Variants in XXYLT1 observed in about 807,000 individuals in gnomAD.
XXYLT1 encodes the protein xyloside xylosyltransferase 1.
In XXYLT1, 20 loss-of-function variants were observed where a neutral mutation model predicts 28.9. The ratio of observed to expected loss-of-function variants is 0.69; its 90% CI spans 0.49 to 1.00. The LOEUF (loss-of-function observed/expected upper bound fraction) is 1.00, where lower values mean the gene tolerates loss of function less well. Among genes scored for constraint, XXYLT1 ranks in the 50% least tolerant of loss-of-function variants. The pLI is 0.00. For synonymous variants in XXYLT1, 257 were observed against 253.8 expected (o/e 1.01, Z -0.12); for missense variants, 542 against 560.1 (o/e 0.97, Z 0.33).
intron 3 of XXYLT1, among the ~76,000 whole-genome samples, chr3:195,083,506 C>T (rs1715552819): frequency 6.6e-6 from 1 of 152,194 alleles, no homozygotes; most frequent in South Asian, 2.1e-4. Context: ...TCATCTCCTC[C>T]TCAGAAGTCA....
intron 3 of XXYLT1, among the ~76,000 whole-genome samples, chr3:195,080,441 G>A (rs552927515): frequency 2.0e-5 from 3 of 152,196 alleles, no homozygotes; most frequent in South Asian, 2.1e-4. Context: ...CCACAGAGCC[G>A]GCAGCCAAAG....
At chr3:195,226,038 C>T (rs75149770) in intron 2 of XXYLT1, among the ~76,000 whole-genome samples, 3,929 of 152,174 alleles carry the variant, frequency 0.026, 187 homozygotes, top group African/African-American at 0.089. Context: ...GGTCAATATC[C>T]AGGGCTCCAG....
rs976956407 is a variant in XXYLT1 at position 195,129,990 on chromosome 3, CTTTT to C, written c.785+26455_785+26458del. 6.6e-6 allele frequency among the ~76,000 whole-genome samples: 1 copy of C among 152,198 alleles called. No homozygotes were observed. The highest frequency in any genetic ancestry group is 2.4e-5 in the African/African-American group (1 of 41,444). On this transcript the variant is annotated intron_variant, in intron 3 of 3. Transcript: ENST00000310380. The surrounding 1 kb of genome is among the most constrained non-coding windows in gnomAD (Gnocchi z 4.4). ...CAGCACCTGTTATTGTCCTGCCTTT[CTTTT>C]TTTATTATAGCTGACCAGTGGATAT...
chr3:195,111,571 C>T (rs1473064748), intron 3 of XXYLT1, among the ~76,000 whole-genome samples: 4 of 152,024 alleles, frequency 2.6e-5, no homozygotes, highest in Admixed American at 2.0e-4. Flanking sequence ...TCTCTCATGA[C>T]GGGAGCATCT....
chr3:195,192,167 T>A (rs1374642873), intron 2 of XXYLT1, among the ~76,000 whole-genome samples: 2 of 152,198 alleles, frequency 1.3e-5, no homozygotes, highest in Non-Finnish European at 2.9e-5. Context: ...CTCATGCCTG[T>A]AATCTAGCAC....
At chr3:195,229,770 T>C (rs887113298) in intron 1 of XXYLT1, among the ~76,000 whole-genome samples, 2 of 152,270 alleles carry the variant, frequency 1.3e-5, no homozygotes, top group Non-Finnish European at 2.9e-5. Flanking sequence ...TGTACTGTTT[T>C]CTTTTTCCAT....
At position 195,076,774 on chromosome 3, in the gene XXYLT1, C is replaced by G. The variant is rs547997363; in HGVS notation, c.786-6663G>C. On this transcript the variant is annotated intron_variant, in intron 3 of 3. Coordinates refer to ENST00000310380, the MANE Select transcript of XXYLT1 (RefSeq NM_152531.5). This position sits in a 1 kb window ranked among gnomAD's most constrained non-coding sequence, Gnocchi z 5.3. The stretch of plus-strand genomic sequence containing the variant: ...GAGGCATCACCCTGCTCTCTGCCTT[C>G]ATATTCACATGGCGTTCTCCCTGCG... Among the ~76,000 whole-genome samples the G allele has an allele frequency of 6.6e-6, 1 of 152,284 alleles. No individual in the cohort carries two copies. The highest frequency in any genetic ancestry group is 1.5e-5 in the Non-Finnish European group (1 of 68,024).
intron 3 of XXYLT1, chr3:195,152,481 A>C (rs767721093): frequency 1.3e-5 from 2 of 152,546 alleles, no homozygotes. Flanking sequence ...CTCTCCCTAC[A>C]CTAATATCCC....
chr3:195,168,974 A>C lies in XXYLT1; in HGVS notation c.653-12393T>G, dbSNP rs559360302. Among the ~76,000 whole-genome samples the C allele has an allele frequency of 8.5e-5, 13 of 152,364 alleles. No individual in the cohort carries two copies. The South Asian group carries it at 2.7e-3, about 32-fold the overall frequency. On this transcript the variant is annotated intron_variant, in intron 2 of 3. Transcript: ENST00000310380. This position sits in a 1 kb window ranked among gnomAD's most constrained non-coding sequence, Gnocchi z 4.3. ...CCTGTGCAGTTACCTACTTCTGGGA[A>C]ACAAATCACTCCAAAACCTAGTGGC...
intron 3 of XXYLT1, among the ~76,000 whole-genome samples, chr3:195,154,644 G>A (rs900466352): frequency 6.6e-6 from 1 of 152,122 alleles, no homozygotes; most frequent in Non-Finnish European, 1.5e-5. Context: ...ACCGGGGGAG[G>A]AGTAACGCAA....
chr3:195,071,401 C>T (rs903911091), intron 3 of XXYLT1, among the ~76,000 whole-genome samples: 1 of 152,224 alleles, frequency 6.6e-6, no homozygotes, highest in African/African-American at 2.4e-5. Context: ...GGGGCCACTT[C>T]TCAGCACCAG....
intron 2 of XXYLT1, among the ~76,000 whole-genome samples, chr3:195,192,943 C>T (rs150141977): frequency 1.3e-5 from 2 of 152,196 alleles, no homozygotes; most frequent in African/African-American, 4.8e-5. Flanking sequence ...TAAAATCAAT[C>T]ACACTTCTAT....
chr3:195,220,340 C>T (rs1168768722), intron 2 of XXYLT1, among the ~76,000 whole-genome samples: 1 of 152,154 alleles, frequency 6.6e-6, no homozygotes, highest in Non-Finnish European at 1.5e-5. Flanking sequence ...AATGGGGTTT[C>T]ACCATGTTGG....
chr3:195,114,852 C>T (rs908998521), intron 3 of XXYLT1, among the ~76,000 whole-genome samples: 1 of 152,298 alleles, frequency 6.6e-6, no homozygotes, highest in African/African-American at 2.4e-5. Flanking sequence ...GGAGTGAAGC[C>T]GCTCAGTGGT....
chr3:195,260,792 A>C (rs1175630849), intron 1 of XXYLT1, among the ~76,000 whole-genome samples: 1 of 152,228 alleles, frequency 6.6e-6, no homozygotes, highest in Non-Finnish European at 1.5e-5. Context: ...GACGGGGGAC[A>C]CTACGCCCAG....
At chr3:195,185,815 C>T (rs905602263) in intron 2 of XXYLT1, among the ~76,000 whole-genome samples, 23 of 152,184 alleles carry the variant, frequency 1.5e-4, no homozygotes, top group African/African-American at 5.6e-4. Context: ...ACCCCATCTA[C>T]ATACCTGGAC....
rs372671595 is a variant in XXYLT1 at position 195,107,474 on chromosome 3, C to CAAA, written c.786-37366_786-37364dup. Among the ~76,000 whole-genome samples, 44 of 45,704 alleles carry CAAA rather than the reference C, an allele frequency of 9.6e-4. 2 individuals are homozygous for CAAA. The highest frequency in any genetic ancestry group is 1.5e-3 in the African/African-American group (17 of 11,572). 30.0% of individuals were successfully genotyped at this position (45,704 alleles called of 152,430 possible). On this transcript the variant is annotated intron_variant, in intron 3 of 3. Coordinates refer to ENST00000310380, the MANE Select transcript of XXYLT1 (RefSeq NM_152531.5). ...GGGCAACAAGAGCAAAACTCCGTCT[C>CAAA]AAAAAAAAAAAAAAAAGGAAGAAAG...
intron 3 of XXYLT1, among the ~76,000 whole-genome samples, chr3:195,151,736 T>C (rs953867448): frequency 2.0e-5 from 3 of 152,152 alleles, no homozygotes; most frequent in Non-Finnish European, 4.4e-5. Flanking sequence ...AAAACACTTA[T>C]TTGTTATTTA....
chr3:195,158,820 G>A (rs1283000071), intron 2 of XXYLT1, among the ~76,000 whole-genome samples: 2 of 152,206 alleles, frequency 1.3e-5, no homozygotes, highest in Non-Finnish European at 2.9e-5. Context: ...AAATGTCACT[G>A]CTGAAGAGAA....
Sources: gnomAD v4.1 joint callset for allele counts (sites outside exome capture counted in the v4.1 genomes callset) on GRCh38, gnomAD v4.1.1 for gene constraint, Gnocchi (gnomAD v3.1) non-coding constraint, MANE v1.5 for transcripts, NCBI Gene and HGNC (gene_info 2026-07-23, HGNC 2026-07-21) for gene names.